CFAP70: variants seen among roughly 807,000 people sequenced by gnomAD.
The protein encoded by CFAP70 is cilia- and flagella-associated protein 70.
A neutral mutation model predicts 137.6 loss-of-function variants in CFAP70; 81 were observed. The ratio of observed to expected loss-of-function variants is 0.59; its 90% CI spans 0.49 to 0.71. The LOEUF (loss-of-function observed/expected upper bound fraction) is 0.71, where lower values mean the gene tolerates loss of function less well. CFAP70 is among the 30% of genes least tolerant of loss of function. The pLI, the probability that CFAP70 is intolerant of heterozygous loss-of-function variation, is 0.00. For missense variants in CFAP70, 976 were observed against 1,226.7 expected, an observed-to-expected ratio of 0.80 and a Z score of 3.05; for synonymous variants, 382 against 423.6, an observed-to-expected ratio of 0.90 and a Z score of 1.20.
chr10:73,271,469 G>A (rs759816211), intron 24 of CFAP70, among the ~76,000 whole-genome samples: 3 of 152,098 alleles, frequency 2.0e-5, no homozygotes, highest in Non-Finnish European at 4.4e-5. Flanking sequence ...CCAAGATGGC[G>A]CCACTGCACT....
intron 8 of CFAP70, among the ~76,000 whole-genome samples, chr10:73,323,657 G>T (rs1032228728): frequency 1.3e-5 from 2 of 152,224 alleles, no homozygotes; most frequent in Admixed American, 1.3e-4. Context: ...TTAAAAAATG[G>T]CACACCAAGA....
At chr10:73,346,334 G>A (rs1347344487) in intron 4 of CFAP70, among the ~76,000 whole-genome samples, 4 of 151,886 alleles carry the variant, frequency 2.6e-5, no homozygotes, top group African/African-American at 7.3e-5. Flanking sequence ...ATACAAAGTA[G>A]GTTTTAAATG....
intron 19 of CFAP70, among the ~76,000 whole-genome samples, chr10:73,285,686 G>C (rs2047638592): frequency 6.7e-6 from 1 of 149,870 alleles, no homozygotes; most frequent in Non-Finnish European, 1.5e-5. Context: ...TGAGGCTGGA[G>C]TGCAGTGGCA....
At chr10:73,315,830 C>G (rs1445147505) in intron 9 of CFAP70, among the ~76,000 whole-genome samples, 1 of 152,182 alleles carries the variant, frequency 6.6e-6, no homozygotes, top group Non-Finnish European at 1.5e-5. Context: ...CTTCTAAAGT[C>G]CTGGGATTAC....
At chr10:73,266,569 C>T (rs1474922142) in intron 25 of CFAP70, among the ~76,000 whole-genome samples, 3 of 152,124 alleles carry the variant, frequency 2.0e-5, no homozygotes, top group African/African-American at 4.8e-5. Flanking sequence ...ATGCTTCTAA[C>T]TTTTCACCAT....
At chr10:73,332,733 A>C (rs976929022) in intron 7 of CFAP70, among the ~76,000 whole-genome samples, 1 of 152,196 alleles carries the variant, frequency 6.6e-6, no homozygotes. Flanking sequence ...AGGAAACTGA[A>C]GCCTCTGGCA....
chr10:73,330,276 CCT>C (rs2051939260), intron 8 of CFAP70, among the ~76,000 whole-genome samples: 1 of 151,704 alleles, frequency 6.6e-6, no homozygotes, highest in Non-Finnish European at 1.5e-5. Flanking sequence ...ATGGTGAAGC[CCT>C]GTCTCTGCTA....
intron 6 of CFAP70, among the ~76,000 whole-genome samples, chr10:73,336,986 GAA>G (rs1484831458): frequency 2.0e-5 from 3 of 152,016 alleles, no homozygotes; most frequent in African/African-American, 7.3e-5. Context: ...TACAAATAAA[GAA>G]AAAGAGTGAG....
chr10:73,345,354 T>G, intron 4 of CFAP70, 110 bp from the exon 6 acceptor site: 1 of 984,998 alleles, frequency 1.0e-6, no homozygotes, highest in Non-Finnish European at 1.5e-6. Flanking sequence ...AGGTAAAGCT[T>G]AATTATTTCC....
intron 4 of CFAP70, among the ~76,000 whole-genome samples, chr10:73,346,342 A>C (rs1399480512): frequency 2.6e-5 from 4 of 151,242 alleles, no homozygotes; most frequent in Non-Finnish European, 4.4e-5. Context: ...TAGGTTTTAA[A>C]TGTGTATTGA....
At chr10:73,340,495 C>T (rs750199405) in intron 6 of CFAP70, among the ~76,000 whole-genome samples, 7 of 152,248 alleles carry the variant, frequency 4.6e-5, no homozygotes, top group Non-Finnish European at 1.0e-4. Context: ...AGACCTAAGG[C>T]GGTCCCTGGC....
At chr10:73,256,450 G>A (rs939769054) in intron 25 of CFAP70, 34 bp from the exon 27 acceptor site, 3 of 1,613,320 alleles carry the variant, frequency 1.9e-6, no homozygotes, top group Non-Finnish European at 2.5e-6. Flanking sequence ...GATGATGACA[G>A]GTCATAAACA....
intron 6 of CFAP70, among the ~76,000 whole-genome samples, chr10:73,340,341 GC>G: frequency 6.6e-6 from 1 of 152,244 alleles, no homozygotes; most frequent in Non-Finnish European, 1.5e-5. Context: ...CCCATCCTTT[GC>G]CTGAGTCTGG....
intron 25 of CFAP70, 78 bp from the exon 27 acceptor site, chr10:73,256,494 G>A: frequency 9.3e-6 from 14 of 1,504,170 alleles, no homozygotes; most frequent in Non-Finnish European, 1.3e-5. Flanking sequence ...CTCAGCTAAG[G>A]CAGAGGCACC....
intron 19 of CFAP70, among the ~76,000 whole-genome samples, chr10:73,287,339 A>T (rs2047803356): frequency 6.6e-6 from 1 of 152,240 alleles, no homozygotes; most frequent in Non-Finnish European, 1.5e-5. Context: ...AAACATAGAA[A>T]AGGTACAGTA....
intron 12 of CFAP70, among the ~76,000 whole-genome samples, chr10:73,305,263 A>G (rs961113672): frequency 6.6e-6 from 1 of 152,260 alleles, no homozygotes; most frequent in Non-Finnish European, 1.5e-5. Flanking sequence ...TTGTAAGGTT[A>G]TCAAATCCCC....
chr10:73,256,429 C>G lies in CFAP70; in HGVS notation c.3028-13G>C, dbSNP rs373020404. ...ATTGCCGTCCAACCTGAAAAAAGTG[C>G]AGCAGTTGGTGATGATGACAGGTCA... On this transcript the variant is annotated splice_polypyrimidine_tract_variant and intron_variant, in intron 25 of 26. Coordinates refer to ENST00000310715, the Ensembl canonical transcript of CFAP70. The G allele has an allele frequency of 6.2e-7, 1 of 1,613,826 alleles. No homozygotes were observed. Among genetic ancestry groups the G allele is most frequent in the African/African-American group, 1.3e-5 (1 of 74,860 alleles).
chr10:73,351,067 GTGTGTATATATATATATATA>G (rs1356408003), intron 3 of CFAP70, among the ~76,000 whole-genome samples: 40 of 64,060 alleles, frequency 6.2e-4, no homozygotes, highest in African/African-American at 2.3e-3. Flanking sequence ...GTGTGTGTGT[GTGTGTATATATATATATATA>G]TATATATATA....
intron 6 of CFAP70, among the ~76,000 whole-genome samples, chr10:73,338,143 A>AT (rs550084202): frequency 0.03 from 3,950 of 129,660 alleles, 171 homozygotes; most frequent in African/African-American, 0.09. Flanking sequence ...ATATATGCGG[A>AT]TTTTTTTTTT....
Sources: gnomAD v4.1 joint callset for allele counts (sites outside exome capture counted in the v4.1 genomes callset) on GRCh38, gnomAD v4.1.1 for gene constraint, MANE v1.5 for transcripts, NCBI Gene and HGNC (gene_info 2026-07-23, HGNC 2026-07-21) for gene names.